IL12RB2: variants seen among roughly 807,000 people sequenced by gnomAD.
IL12RB2 encodes interleukin-12 receptor subunit beta-2.
A neutral mutation model predicts 89.4 loss-of-function variants in IL12RB2; 82 were observed. The ratio of observed to expected loss-of-function variants is 0.92; its 90% CI spans 0.77 to 1.10. IL12RB2 has a LOEUF of 1.10. IL12RB2 is among the 50% of genes least tolerant of loss of function. IL12RB2 has a pLI of 0.00. For synonymous variants in IL12RB2, 368 were observed against 370.1 expected, an observed-to-expected ratio of 0.99 and a Z score of 0.07; for missense variants, 963 against 1,031.9, an observed-to-expected ratio of 0.93 and a Z score of 0.92.
At chr1:67,367,078 C>A (rs188986745) in intron 10 of IL12RB2, among the ~76,000 whole-genome samples, 1 of 152,004 alleles carries the variant, frequency 6.6e-6, no homozygotes, top group Non-Finnish European at 1.5e-5. Context: ...AGATTAGGCA[C>A]CTTTGAGGCT....
chr1:67,373,330 C>CA (rs1486191677), intron 13 of IL12RB2, among the ~76,000 whole-genome samples: 3 of 152,102 alleles, frequency 2.0e-5, no homozygotes, highest in Non-Finnish European at 4.4e-5. Context: ...GGCTAGTCTC[C>CA]AACTCCTGGG....
In IL12RB2 at chr1:67,367,839, C is replaced by T. The variant is rs571488700; in HGVS notation, c.1273C>T (p.Arg425Cys). Residue 425 changes from arginine to cysteine, a missense_variant, in exon 11 of 17, where the codon CGC becomes TGC. Arg to Cys is a radical substitution (Grantham distance 180). Transcript: ENST00000674203. ...NLCEAGLLAPRQVSANSEGMD... is the reference protein window; with the variant it reads ...NLCEAGLLAPCQVSANSEGMD... ...GTCCGATAAAGGGTTGCTGGCTCCT[C>T]GCCAGGTCTCTGCAAACTCAGAGGG... 35 of 1,587,362 alleles carry T rather than the reference C, an allele frequency of 2.2e-5. No homozygotes were observed. Among genetic ancestry groups the T allele is most frequent in the African/African-American group, 8.1e-5 (6 of 74,424 alleles).
chr1:67,324,035 A>G (rs1181578306), intron 4 of IL12RB2, among the ~76,000 whole-genome samples: 1 of 152,240 alleles, frequency 6.6e-6, no homozygotes, highest in Non-Finnish European at 1.5e-5. Context: ...AAATGGAAAA[A>G]CAAGATAATT....
chr1:67,387,716 AAG>A (rs1491267847), intron 15 of IL12RB2, among the ~76,000 whole-genome samples: 3 of 151,366 alleles, frequency 2.0e-5, no homozygotes, highest in Non-Finnish European at 1.5e-5. Context: ...AAAAAAAAAA[AAG>A]AAAGAAATTA....
chr1:67,314,455 C>T (rs760000448), intron 2 of IL12RB2, among the ~76,000 whole-genome samples: 1 of 152,110 alleles, frequency 6.6e-6, no homozygotes, highest in Non-Finnish European at 1.5e-5. Flanking sequence ...TAATCGTCAC[C>T]GTAACTTTGT....
intron 9 of IL12RB2, among the ~76,000 whole-genome samples, chr1:67,345,413 C>G (rs966326860): frequency 1.3e-5 from 2 of 152,204 alleles, no homozygotes; most frequent in African/African-American, 4.8e-5. Context: ...ATCTCTCTCT[C>G]ATATGCAGAA....
At chr1:67,314,331 A>G (rs988334335) in intron 2 of IL12RB2, among the ~76,000 whole-genome samples, 3 of 152,238 alleles carry the variant, frequency 2.0e-5, no homozygotes, top group Non-Finnish European at 4.4e-5. Context: ...GCAAAGAAAT[A>G]CAAACGAGGG....
chr1:67,326,728 T>G lies in IL12RB2; in HGVS notation c.365-7T>G. The G allele has an allele frequency of 1.2e-6, 2 of 1,612,166 alleles. No individual in the cohort carries two copies. The highest frequency in any genetic ancestry group is 1.7e-6 in the Non-Finnish European group (2 of 1,178,786). On this transcript the variant is annotated splice_polypyrimidine_tract_variant and splice_region_variant and intron_variant, in intron 4 of 16. Coordinates refer to ENST00000674203, the MANE Select transcript of IL12RB2 (RefSeq NM_001374259.2). ...GATATATAAGGTTTTGTCTTTTCTT[T>G]TTAAAGTTGCTCCAGAACAGCCTCA...
chr1:67,362,523 G>A (rs1177965340), intron 10 of IL12RB2, among the ~76,000 whole-genome samples: 1 of 137,386 alleles, frequency 7.3e-6, no homozygotes, highest in African/African-American at 2.7e-5. Flanking sequence ...CCGAGATTGC[G>A]CCACTGCAGT....
chr1:67,338,981 T>C (rs1456842353), intron 9 of IL12RB2, among the ~76,000 whole-genome samples: 1 of 152,088 alleles, frequency 6.6e-6, no homozygotes. Flanking sequence ...CTACTTCATC[T>C]CTTCTGACTG....
At chr1:67,375,996 G>A (rs1663940588) in intron 13 of IL12RB2, among the ~76,000 whole-genome samples, 1 of 151,808 alleles carries the variant, frequency 6.6e-6, no homozygotes, top group Admixed American at 6.6e-5. Context: ...ACAAGCACCC[G>A]CCACCAAGCC....
At chr1:67,331,752 T>A (rs1260737777) in intron 8 of IL12RB2, among the ~76,000 whole-genome samples, 1 of 152,050 alleles carries the variant, frequency 6.6e-6, no homozygotes, top group Non-Finnish European at 1.5e-5. Context: ...GGCAGGAGAA[T>A]CACTTGAACC....
chr1:67,374,409 C>G lies in IL12RB2; in HGVS notation c.1717+1626C>G, dbSNP rs77202193. Among the ~76,000 whole-genome samples the G allele has an allele frequency of 5.9e-3, 897 of 152,214 alleles. 12 individuals carry two copies. The highest frequency in any genetic ancestry group is 0.044 in the East Asian group (229 of 5,184). On this transcript the variant is annotated intron_variant, in intron 13 of 16. Coordinates refer to ENST00000674203, the MANE Select transcript of IL12RB2 (RefSeq NM_001374259.2). ...AATTCCTCATGTGAAATTTGCCCCC[C>G]AAATAACTTTCATTTTGGCAGAGTT...
chr1:67,347,993 C>T (rs907822229), intron 9 of IL12RB2, among the ~76,000 whole-genome samples: 2 of 152,156 alleles, frequency 1.3e-5, no homozygotes, highest in African/African-American at 4.8e-5. Flanking sequence ...CTAAATGGGA[C>T]ATTAGACATA....
intron 4 of IL12RB2, among the ~76,000 whole-genome samples, chr1:67,324,230 T>C (rs2100623695): frequency 6.6e-6 from 1 of 152,322 alleles, no homozygotes; most frequent in South Asian, 2.1e-4. Context: ...TTTCGTTTGT[T>C]TGTTTGTTTT....
rs185497750 is a variant in IL12RB2 at position 67,394,919 on chromosome 1, T to C, written c.2047-628T>C. On this transcript the variant is annotated intron_variant, in intron 16 of 16. Transcript: ENST00000674203. Reference sequence around the variant, plus strand: ...ACAGAAGCAGTCTCAGCCTTTCCTTTGCATCTCCAGTGCCCTCTGTCCTCA... The same window carrying C: ...ACAGAAGCAGTCTCAGCCTTTCCTTCGCATCTCCAGTGCCCTCTGTCCTCA... Among the ~76,000 whole-genome samples, 30 of 152,272 alleles carry C rather than the reference T, an allele frequency of 2.0e-4. 1 individual carries two copies. Among genetic ancestry groups the C allele is most frequent in the Admixed American group, 1.8e-3 (28 of 15,278 alleles).
chr1:67,394,997 G>C (rs1057181062), intron 16 of IL12RB2, among the ~76,000 whole-genome samples: 1 of 152,188 alleles, frequency 6.6e-6, no homozygotes, highest in Non-Finnish European at 1.5e-5. Flanking sequence ...GCTGGGCATG[G>C]TGGCTCATGC....
At chr1:67,389,981 C>A in intron 15 of IL12RB2, 48 bp from the exon 16 acceptor site, 1 of 873,204 alleles carries the variant, frequency 1.1e-6, no homozygotes, top group Non-Finnish European at 2.0e-6. Context: ...TGCTTCCATG[C>A]CACTGTGTGC....
chr1:67,390,104 C>G lies in IL12RB2; in HGVS notation c.2022C>G (p.Cys674Trp), dbSNP rs373096534. The change falls in exon 16 of 17, where the codon TGC becomes TGG. Residue 674 changes from cysteine (C) to tryptophan (W), a missense_variant. By Grantham distance (215) the Cys-to-Trp change is radical. Transcript: ENST00000674203. ...REIPDPANST[C>W]AKKYPIAEEK... ...TTCCAGATCCAGCAAATAGCACTTGCGCTAAGAAATATCCCATTGCAGAGG... is the reference window on the plus strand; with the variant it reads ...TTCCAGATCCAGCAAATAGCACTTGGGCTAAGAAATATCCCATTGCAGAGG... 1 of 1,300,646 alleles carries G rather than the reference C, an allele frequency of 7.7e-7. No homozygotes were observed. The allele number at this position is 1,300,646 out of a possible 1,614,324, so 80.6% of individuals were successfully genotyped here.
Sources: gnomAD v4.1 joint callset for allele counts (sites outside exome capture counted in the v4.1 genomes callset) on GRCh38, gnomAD v4.1.1 for gene constraint, MANE v1.5 for transcripts, NCBI Gene and HGNC (gene_info 2026-07-23, HGNC 2026-07-21) for gene names.